Variants in NUDT12 observed in about 807,000 individuals in gnomAD.
The protein encoded by NUDT12 is NAD-capped RNA hydrolase NUDT12.
In NUDT12, 42 loss-of-function variants were observed where a neutral mutation model predicts 45.7. The observed-to-expected ratio is 0.92, with a 90% CI of 0.72 to 1.19. The LOEUF is 1.19. NUDT12 is among the 50% of genes most tolerant of loss of function. The probability of loss-of-function intolerance (pLI) is 0.00; values close to 1 mark genes in which losing one functional copy is unlikely to be tolerated. For synonymous variants in NUDT12, 206 were observed against 179.7 expected (o/e 1.15, Z -1.17); for missense variants, 590 against 533.1 (o/e 1.11, Z -1.05).
chr5:103,554,858 TG>T lies in NUDT12; in HGVS notation c.965-6del. ...CTTGCATGATTACTACTGGATCTGTTGAAAAAAAAAATCAGATACATGAATG... is the reference window on the plus strand; with the variant it reads ...CTTGCATGATTACTACTGGATCTGTTAAAAAAAAAATCAGATACATGAATG... On this transcript the variant is annotated splice_polypyrimidine_tract_variant and splice_region_variant and intron_variant, in intron 4 of 6. Transcript: ENST00000230792. The T allele has an allele frequency of 8.0e-7, 1 of 1,256,086 alleles. No individual in the cohort carries two copies. The highest frequency in any genetic ancestry group is 1.1e-6 in the Non-Finnish European group (1 of 919,708). 77.8% of individuals were successfully genotyped at this position (1,256,086 alleles called of 1,614,324 possible).
Position 103,559,477 on chromosome 5 carries a change from G to T in NUDT12, c.207-9C>A. ...CAATTGATCTGTCACACCTATAGAT[G>T]GAAGAAAAAATTGGGGAGAAAAAGT... On this transcript the variant is annotated splice_polypyrimidine_tract_variant and intron_variant, in intron 2 of 6. Transcript: ENST00000230792. 7.3e-7 allele frequency: 1 copy of T among 1,373,778 alleles called. No individual in the cohort carries two copies. Among genetic ancestry groups the T allele is most frequent in the Non-Finnish European group, 9.5e-7 (1 of 1,050,174 alleles). 85.1% of individuals were successfully genotyped at this position (1,373,778 alleles called of 1,614,324 possible).
At chr5:103,561,049 G>A (rs1199147668) in intron 1 of NUDT12, among the ~76,000 whole-genome samples, 1 of 147,632 alleles carries the variant, frequency 6.8e-6, no homozygotes, top group Admixed American at 6.8e-5. Flanking sequence ...CACACACTGA[G>A]CTTTTTTTGT....
chr5:103,556,150 C>A, intron 3 of NUDT12, 52 bp from the exon 4 acceptor site: 2 of 1,321,392 alleles, frequency 1.5e-6, no homozygotes, highest in South Asian at 2.0e-5. Flanking sequence ...AAATTAAAAT[C>A]AATATATAAG....
chr5:103,555,918 A>G lies in NUDT12; in HGVS notation c.964+13T>C, dbSNP rs773920712. ...AAGATCCAGGTGGCTGAGATATAAA[A>G]TAAAGGGCTTACCAACTCTTGGGTA... On this transcript the variant is annotated intron_variant, in intron 4 of 6. Transcript: ENST00000230792. The G allele has an allele frequency of 6.7e-7, 1 of 1,501,596 alleles. No individual in the cohort carries two copies. The highest frequency in any genetic ancestry group is 2.0e-5 in the Admixed American group (1 of 48,822). The allele number at this position is 1,501,596 out of a possible 1,614,324, so 93.0% of individuals were successfully genotyped here.
At chr5:103,554,023 T>C (rs1748734689) in intron 5 of NUDT12, among the ~76,000 whole-genome samples, 1 of 152,078 alleles carries the variant, frequency 6.6e-6, no homozygotes, top group Admixed American at 6.6e-5. Flanking sequence ...CTGTTTTATA[T>C]ATATGATATG....
Position 103,560,241 on chromosome 5 carries a change from GA to G in NUDT12, c.7del (p.Ser3LeufsTer2), listed in dbSNP as rs768557380. 2.7e-5 allele frequency: 43 copies of G among 1,611,530 alleles called. No individual in the cohort carries two copies. Among genetic ancestry groups the G allele is most frequent in the Non-Finnish European group, 3.6e-5 (42 of 1,177,940 alleles). Reference sequence around the variant, plus strand: ...TTCTTGCTTCAGACTTCTTTTTACAGAAGACATTTCTTCCTTAAAAGAAGGA... The same window carrying G: ...TTCTTGCTTCAGACTTCTTTTTACAGAGACATTTCTTCCTTAAAAGAAGGA... Reference protein sequence around the residue: MSSVKRSLKQEIV... With the variant: MSXVKRSLKQEIV... On this transcript the variant is annotated frameshift_variant, in exon 2 of 7. Transcript: ENST00000230792. LOFTEE classifies it high-confidence loss of function.
chr5:103,556,747 A>G (rs1406133373), intron 3 of NUDT12, among the ~76,000 whole-genome samples: 1 of 152,090 alleles, frequency 6.6e-6, no homozygotes, highest in Non-Finnish European at 1.5e-5. Context: ...AAAAGTTAAT[A>G]TGGCCTGGCC....
rs780174894 is a variant in NUDT12 at position 103,550,923 on chromosome 5, G to T, written c.1327C>A (p.Pro443Thr). 16 of 1,613,692 alleles carry T rather than the reference G, an allele frequency of 9.9e-6. No individual in the cohort carries two copies. Among genetic ancestry groups the T allele is most frequent in the Non-Finnish European group, 1.4e-5 (16 of 1,179,810 alleles). Residue 443 changes from proline (P) to threonine (T), a missense_variant, in exon 7 of 7, where the codon CCA becomes ACA. Coordinates refer to ENST00000230792, the MANE Select transcript of NUDT12 (RefSeq NM_031438.4). Reference protein sequence around the residue: ...KGKQQAFFVPPSRAIAHQLIK... With the variant: ...KGKQQAFFVPTSRAIAHQLIK... The stretch of plus-strand genomic sequence containing the variant: ...AATTGATGTGCAATAGCTCGGCTTG[G>T]TGGCACAAAGAATGCCTGCTGCTTC...
chr5:103,557,599 CAAAAA>C (rs1278911194), intron 3 of NUDT12, among the ~76,000 whole-genome samples: 1 of 151,300 alleles, frequency 6.6e-6, no homozygotes, highest in Non-Finnish European at 1.5e-5. Context: ...CAAAACAAAA[CAAAAA>C]AACCACTTTG....
intron 5 of NUDT12, among the ~76,000 whole-genome samples, chr5:103,554,270 T>C (rs1156291365): frequency 6.6e-6 from 1 of 152,072 alleles, no homozygotes; most frequent in Non-Finnish European, 1.5e-5. Context: ...AAACATAAGA[T>C]AATAAATTAG....
intron 4 of NUDT12, among the ~76,000 whole-genome samples, chr5:103,555,445 A>G (rs1580694149): frequency 1.3e-5 from 2 of 152,196 alleles, no homozygotes; most frequent in African/African-American, 4.8e-5. Flanking sequence ...TTCTCCCCAG[A>G]GGCCTCCTCA....
In NUDT12 at chr5:103,558,955, G is replaced by T; in HGVS notation, c.720C>A (p.Phe240Leu). 6.2e-7 allele frequency: 1 copy of T among 1,611,836 alleles called. No individual in the cohort carries two copies. Among genetic ancestry groups the T allele is most frequent in the South Asian group, 1.1e-5 (1 of 90,548 alleles). ...AGTAACAATTTTCATGTCTTTGCTT[G>T]AATTCTTCAGCAGCAATAGGATCTA... ...LGIDPIAAEE[F>L]KQRHENCYFL... The change falls in exon 3 of 7, where the codon TTC becomes TTA. Residue 240 changes from phenylalanine to leucine, a missense_variant. Phe to Leu is a conservative substitution (Grantham distance 22, BLOSUM62 0). Transcript: ENST00000230792.
At chr5:103,562,459 T>C (rs1005781814) in intron 1 of NUDT12, among the ~76,000 whole-genome samples, 3 of 152,074 alleles carry the variant, frequency 2.0e-5, no homozygotes, top group African/African-American at 7.2e-5. Context: ...CGCTTCCTTT[T>C]CCCCATCTCA....
At chr5:103,560,327 T>C (rs1224244188) in intron 1 of NUDT12, 73 bp from the exon 2 acceptor site, 8 of 865,596 alleles carry the variant, frequency 9.2e-6, no homozygotes, top group South Asian at 7.5e-5. Context: ...TATTGATAAA[T>C]AGCAATAGAA....
chr5:103,551,638 A>C (rs889682661), intron 6 of NUDT12, among the ~76,000 whole-genome samples: 24 of 152,214 alleles, frequency 1.6e-4, no homozygotes, highest in Admixed American at 1.0e-3. Context: ...GATTAAGCAT[A>C]GAATAAAATT....
chr5:103,554,287 C>CATAT (rs1245276557), intron 5 of NUDT12, among the ~76,000 whole-genome samples: 1 of 151,942 alleles, frequency 6.6e-6, no homozygotes, highest in African/African-American at 2.4e-5. Flanking sequence ...TTAGTAAGTA[C>CATAT]ATATATACAT....
chr5:103,553,409 A>G (rs1748717589), intron 5 of NUDT12, among the ~76,000 whole-genome samples: 1 of 152,134 alleles, frequency 6.6e-6, no homozygotes. Context: ...AGGCAAGAAA[A>G]TGAAAATGAA....
Position 103,560,063 on chromosome 5 carries a change from G to T in NUDT12, c.186C>A (p.Val62=), listed in dbSNP as rs761676288. The change falls in exon 2 of 7, where the codon GTC becomes GTA. Residue 62 remains valine (V), a synonymous_variant. Transcript: ENST00000230792. ...YAARNGHPEI[V]QFLLEKGCDR... ...TTTACCCTTTCTCAAGCAGAAATTG[G>T]ACTATCTCTGGGTGCCCATTCCTTG... 3 of 1,613,238 alleles carry T rather than the reference G, an allele frequency of 1.9e-6. No individual in the cohort carries two copies. Among genetic ancestry groups the T allele is most frequent in the Non-Finnish European group, 2.5e-6 (3 of 1,179,268 alleles).
At position 103,559,366 on chromosome 5, in the gene NUDT12, A is replaced by G. The variant is rs1748952665; in HGVS notation, c.309T>C (p.Gly103=). 19 of 1,613,220 alleles carry G rather than the reference A, an allele frequency of 1.2e-5. No individual in the cohort carries two copies. Among genetic ancestry groups the G allele is most frequent in the Non-Finnish European group, 1.6e-5 (19 of 1,179,620 alleles). The change falls in exon 3 of 7, where the codon GGT becomes GGC. Residue 103 remains glycine (G), a synonymous_variant. Coordinates refer to ENST00000230792, the MANE Select transcript of NUDT12 (RefSeq NM_031438.4). ...HIANLLATAK[G]GKKPWFLTNE... is the part of the protein sequence containing the mutation. ...TCGTTAGGAACCAAGGCTTCTTCCC[A>G]CCTTTAGCAGTAGCTAGTAAATTAG...
Sources: gnomAD v4.1 joint callset for allele counts (sites outside exome capture counted in the v4.1 genomes callset) on GRCh38, gnomAD v4.1.1 for gene constraint, MANE v1.5 for transcripts, NCBI Gene and HGNC (gene_info 2026-07-23, HGNC 2026-07-21) for gene names.